Variants in ACADM observed in about 807,000 individuals in gnomAD.
The protein encoded by ACADM is acyl-CoA dehydrogenase medium chain, also known as medium-chain specific acyl-CoA dehydrogenase, mitochondrial.
Under a neutral mutation model 58.9 loss-of-function variants are expected in ACADM, and 49 were observed. That is an observed-to-expected ratio of 0.83 (90% CI 0.66 to 1.06). The LOEUF is 1.06. ACADM is among the 50% of genes least tolerant of loss of function. The pLI is 0.00. For missense variants in ACADM, 496 were observed against 507.0 expected, an observed-to-expected ratio of 0.98 and a Z score of 0.21; for synonymous variants, 160 against 157.7, an observed-to-expected ratio of 1.01 and a Z score of -0.11.
intron 8 of ACADM, 121 bp from the exon 9 acceptor site, chr1:75,749,298 C>T: frequency 1.0e-6 from 1 of 970,480 alleles, no homozygotes; most frequent in Non-Finnish European, 1.6e-6. Flanking sequence ...ACAGGCATTG[C>T]AGACTACAGT....
intron 10 of ACADM, chr1:75,750,817 C>T (rs1456135768): frequency 1.1e-5 from 5 of 472,980 alleles, no homozygotes; most frequent in East Asian, 8.4e-5. Context: ...GGCACAATCT[C>T]GGTTCACCAC....
chr1:75,742,708 T>G (rs996077868), intron 7 of ACADM, among the ~76,000 whole-genome samples: 3 of 152,110 alleles, frequency 2.0e-5, no homozygotes, highest in Non-Finnish European at 2.9e-5. Context: ...AAGATGAGTC[T>G]TCTTGGTGTG....
intron 10 of ACADM, among the ~76,000 whole-genome samples, chr1:75,754,209 G>GT (rs201392684): frequency 0.011 from 1,307 of 114,928 alleles, 17 homozygotes; most frequent in Admixed American, 0.025. Flanking sequence ...TCAGTTTTTT[G>GT]TTTTTTTTTT....
rs138237900 is a variant in ACADM, at chr1:75,734,620, G to T, written c.388-171G>T. The T allele has an allele frequency of 1.9e-3, 1,143 of 597,726 alleles. 15 individuals carry two copies. The highest frequency in any genetic ancestry group is 0.014 in the South Asian group (704 of 50,738). 37.0% of individuals were successfully genotyped at this position (597,726 alleles called of 1,614,324 possible). ...TAACCTAATTTTATGAAAATACTTA[G>T]ATTAGCAGATTTATTTCCTCATTCT... On this transcript the variant is annotated intron_variant, in intron 5 of 11. Transcript: ENST00000370841.
At chr1:75,732,446 C>T (rs1647163183) in intron 2 of ACADM, 198 bp from the exon 3 acceptor site, 2 of 588,306 alleles carry the variant, frequency 3.4e-6, no homozygotes, top group Admixed American at 3.1e-5. Flanking sequence ...TTACCTATTT[C>T]CTTTAGCATT....
intron 2 of ACADM, among the ~76,000 whole-genome samples, chr1:75,732,149 C>CA (rs11455282): frequency 0.32 from 44,671 of 141,430 alleles, 6,740 homozygotes; most frequent in Non-Finnish European, 0.35. Context: ...GAGACTGTCT[C>CA]AAAAAAAAAA....
At chr1:75,732,595 A>AT in intron 2 of ACADM, 49 bp from the exon 3 acceptor site, 1 of 1,421,588 alleles carries the variant, frequency 7.0e-7, no homozygotes, top group Non-Finnish European at 1.0e-6. Flanking sequence ...TTCATAGGAC[A>AT]TTTTTCCTTG....
At chr1:75,751,436 TA>T (rs1648198708) in intron 10 of ACADM, among the ~76,000 whole-genome samples, 1 of 151,954 alleles carries the variant, frequency 6.6e-6, no homozygotes, top group East Asian at 1.9e-4. Context: ...AGCTCAGAGG[TA>T]TTAAATGATT....
At chr1:75,743,368 A>C in intron 7 of ACADM, 1 of 1,581,592 alleles carries the variant, frequency 6.3e-7, no homozygotes. Context: ...CAGGGAGAAG[A>C]CTGGTTTTCA....
rs1648950646 is a variant in ACADM at position 75,763,324 on chromosome 1, TTC to T, written c.*563_*564del. The stretch of plus-strand genomic sequence containing the variant: ...GAACTTTCTTGAAAATCTTATTTAA[TTC>T]TGAGCCCATATTTCACTTACCTTAT... On this transcript the variant is annotated 3_prime_UTR_variant, in exon 12 of 12. Transcript: ENST00000370841. 9 of 152,248 alleles carry T rather than the reference TTC, an allele frequency of 5.9e-5. No individual in the cohort carries two copies. Among genetic ancestry groups the T allele is most frequent in the Admixed American group, 5.9e-4 (9 of 15,274 alleles). The allele number at this position is 152,248 out of a possible 1,614,324, so 9.4% of individuals were successfully genotyped here.
chr1:75,728,286 A>G (rs1647087042), intron 1 of ACADM, 115 bp from the exon 2 acceptor site: 1 of 733,570 alleles, frequency 1.4e-6, no homozygotes, highest in Non-Finnish European at 2.2e-6. Context: ...TGATGACTTT[A>G]AAAACTATGA....
intron 10 of ACADM, among the ~76,000 whole-genome samples, chr1:75,752,879 C>A (rs1264460291): frequency 1.3e-5 from 2 of 152,146 alleles, no homozygotes; most frequent in Non-Finnish European, 2.9e-5. Flanking sequence ...ATTATGGAAG[C>A]ATTTTAGAAA....
rs887693711 is a variant in ACADM, at chr1:75,733,222, CT to C, written c.287-300del. 104 of 1,562,448 alleles carry C rather than the reference CT, an allele frequency of 6.7e-5. 1 individual carries two copies. The South Asian group carries it at 1.2e-3, about 18-fold the overall frequency. On this transcript the variant is annotated intron_variant, in intron 4 of 11. Coordinates refer to ENST00000370841, the MANE Select transcript of ACADM (RefSeq NM_000016.6). ...TCTTCTATATTACATTTTATTGAGT[CT>C]TTTTTGTGAACCATGATTCTTTTCC... is the stretch of plus-strand genomic sequence containing the variant.
intron 7 of ACADM, among the ~76,000 whole-genome samples, chr1:75,745,302 G>A (rs1473410209): frequency 6.6e-6 from 1 of 152,042 alleles, no homozygotes; most frequent in Non-Finnish European, 1.5e-5. Context: ...GCCTGGGAAA[G>A]GTAGTGAGAC....
At chr1:75,750,798 G>A (rs1479870891) in intron 10 of ACADM, 1 of 500,502 alleles carries the variant, frequency 2.0e-6, no homozygotes, top group Non-Finnish European at 3.6e-6. Flanking sequence ...GCTCAGGCTA[G>A]AGTGCAGTGG....
intron 7 of ACADM, 23 bp from the exon 8 acceptor site, chr1:75,745,783 T>A (rs778568616): frequency 6.6e-7 from 1 of 1,526,050 alleles, no homozygotes; most frequent in South Asian, 1.1e-5. Flanking sequence ...TTATCACCAT[T>A]ATCCGGTATG....
intron 4 of ACADM, chr1:75,733,167 A>C: frequency 1.2e-6 from 2 of 1,612,434 alleles, no homozygotes; most frequent in Non-Finnish European, 1.7e-6. Context: ...CCGTTTCTAG[A>C]GTTGGTCAAT....
At position 75,749,511 on chromosome 1, in the gene ACADM, AGC is replaced by A; in HGVS notation, c.802_803del (p.Ala268TrpfsTer10). 1.2e-6 allele frequency: 2 copies of A among 1,614,130 alleles called. No individual in the cohort carries two copies. The highest frequency in any genetic ancestry group is 3.3e-5 in the Admixed American group (2 of 60,026). On this transcript the variant is annotated frameshift_variant, in exon 9 of 12. Transcript: ENST00000370841. LOFTEE classifies it high-confidence loss of function. ...PKENVLIGDG[A>X]GFKVAMGAFD... ...AAGAAAATGTTTTAATTGGTGACGG[AGC>A]TGGTTTCAAAGTTGCAATGGGAGCT...
Position 75,740,023 on chromosome 1 carries a change from G to C in ACADM, c.512G>C (p.Gly171Ala). Reference protein sequence around the residue: ...TEPGAGSDVAGIKTKAEKKGD... With the variant: ...TEPGAGSDVAAIKTKAEKKGD... ...CCTGGAGCAGGCTCTGATGTAGCTG[G>C]TATAAAGACCAAAGCAGAAAAGAAA... Residue 171 changes from glycine to alanine, a missense_variant, in exon 7 of 12, where the codon GGT becomes GCT. Gly to Ala is a moderately conservative substitution (Grantham distance 60, BLOSUM62 0). Transcript: ENST00000370841. 6.2e-7 allele frequency: 1 copy of C among 1,612,896 alleles called. No homozygotes were observed.
Sources: allele counts gnomAD v4.1 joint callset (sites outside exome capture counted in the v4.1 genomes callset), GRCh38; gene constraint gnomAD v4.1.1; transcripts MANE v1.5; gene names NCBI Gene and HGNC (gene_info 2026-07-23, HGNC 2026-07-21).